Variants in MINDY4B observed in about 807,000 individuals in gnomAD.
MINDY4B encodes the protein inactive ubiquitin carboxyl-terminal hydrolase MINDY-4B.
Under a neutral mutation model 16.7 loss-of-function variants are expected in MINDY4B, and 25 were observed. The ratio of observed to expected loss-of-function variants is 1.49; its 90% CI spans 1.09 to 2.09. The LOEUF is 2.09. Among genes scored for constraint, MINDY4B ranks in the 30% most tolerant of loss-of-function variants. The probability of loss-of-function intolerance (pLI) is 0.00; values close to 1 mark genes in which losing one functional copy is unlikely to be tolerated. For missense variants in MINDY4B, 327 were observed against 168.4 expected (o/e 1.94, Z -5.21); for synonymous variants, 132 against 61.9 (o/e 2.13, Z -5.32).
chr3:150,894,187 T>C lies in MINDY4B; in HGVS notation c.428A>G (p.Lys143Arg). 1 of 690,582 alleles carries C rather than the reference T, an allele frequency of 1.4e-6. No homozygotes were observed. Among genetic ancestry groups the C allele is most frequent in the South Asian group, 1.5e-5 (1 of 64,876 alleles). 42.8% of individuals were successfully genotyped at this position (690,582 alleles called of 1,614,324 possible). A position where few individuals can be genotyped will look rare whatever the true frequency, so the allele number is the denominator to read the frequency against. The part of the protein sequence containing the change: ...SELAFTLEVG[K>R]GGARSIQMAV... ...TAAAAATTATAAACTGGCTATTACC[T>C]TTCCCACTTCCAGAGTGAAAGCTAG... The change falls in exon 4 of 12, where the codon AAG becomes AGG. Residue 143 changes from lysine to arginine, a missense_variant and splice_region_variant. By Grantham distance (26) the Lys-to-Arg change is conservative. Transcript: ENST00000465419.
Position 150,871,069 on chromosome 3 carries a change from C to T in MINDY4B, c.1359G>A (p.Trp453Ter). The T allele has an allele frequency of 1.4e-6, 1 of 702,930 alleles. No homozygotes were observed. Among genetic ancestry groups the T allele is most frequent in the Non-Finnish European group, 2.6e-6 (1 of 384,866 alleles). The allele number at this position is 702,930 out of a possible 1,614,324, so 43.5% of individuals were successfully genotyped here. The change falls in exon 12 of 12, where the codon TGG becomes TGA. Residue 453 changes from tryptophan (W) to a stop codon, truncating the protein, a stop_gained. Transcript: ENST00000465419. LOFTEE classifies it high-confidence loss of function. Reference sequence around the variant, plus strand: ...TTTAGAAGAAGGGAACGGTCCCATTCCAGTTGATGGTGGCCTCGCTCCACT... The same window carrying T: ...TTTAGAAGAAGGGAACGGTCCCATTTCAGTTGATGGTGGCCTCGCTCCACT... ...RTKWSEATIN[W>*]NGTVPFF
chr3:150,898,366 A>G (rs1296871649), intron 3 of MINDY4B, among the ~76,000 whole-genome samples: 1 of 151,766 alleles, frequency 6.6e-6, no homozygotes, highest in African/African-American at 2.4e-5. Flanking sequence ...GCCAAACCAC[A>G]CTCTTATTTC....
chr3:150,890,394 C>T lies in MINDY4B; in HGVS notation c.688-9G>A. On this transcript the variant is annotated splice_polypyrimidine_tract_variant and intron_variant, in intron 6 of 11. Transcript: ENST00000465419. ...AATTCAAACAGCTGGAGCTATAAAT[C>T]AGGAACAGAAGATAAAAATGAAAAG... 1.6e-6 allele frequency: 1 copy of T among 621,062 alleles called. No homozygotes were observed. The highest frequency in any genetic ancestry group is 2.8e-6 in the Non-Finnish European group (1 of 353,568). The allele number at this position is 621,062 out of a possible 1,614,324, so 38.5% of individuals were successfully genotyped here. A position where few individuals can be genotyped will look rare whatever the true frequency, so the allele number is the denominator to read the frequency against.
Position 150,880,305 on chromosome 3 carries a change from C to CTCTGTGTGTGTGTGTG in MINDY4B, c.1059+2591_1059+2592insCACACACACACACAGA, listed in dbSNP as rs1553767630. On this transcript the variant is annotated intron_variant, in intron 10 of 11. Transcript: ENST00000465419. ...CCTCACCTTTATGCCAGGTTCCCAT[C>CTCTGTGTGTGTGTGTG]TGTGTGTGTGTGTGTGTGTGTGTGT... Among the ~76,000 whole-genome samples, 5 of 149,778 alleles carry CTCTGTGTGTGTGTGTG rather than the reference C, an allele frequency of 3.3e-5. 1 individual carries two copies. Among genetic ancestry groups the CTCTGTGTGTGTGTGTG allele is most frequent in the African/African-American group, 1.2e-4 (5 of 40,704 alleles).
At chr3:150,875,958 T>G (rs2107895359) in intron 10 of MINDY4B, among the ~76,000 whole-genome samples, 1 of 152,358 alleles carries the variant, frequency 6.6e-6, no homozygotes, top group African/African-American at 2.4e-5. Flanking sequence ...TGGCATTTTT[T>G]GTTTTAAGCA....
intron 10 of MINDY4B, among the ~76,000 whole-genome samples, chr3:150,881,614 T>TTAA (rs1711522721): frequency 8.2e-6 from 1 of 121,432 alleles, no homozygotes; most frequent in African/African-American, 3.1e-5. Context: ...TGTCTCTGTT[T>TTAA]AAAAAAAAAA....
At chr3:150,873,063 A>G in intron 11 of MINDY4B, 124 bp downstream of exon 11, 1 of 574,150 alleles carries the variant, frequency 1.7e-6, no homozygotes, top group Non-Finnish European at 3.1e-6. Flanking sequence ...GTTTCATTTC[A>G]GAAACTGAGC....
rs555383387 is a variant in MINDY4B, at chr3:150,894,990, ACTT to A, written c.310-688_310-686del. 5.8e-4 allele frequency among the ~76,000 whole-genome samples: 88 copies of A among 152,358 alleles called. 1 individual carries two copies. Among genetic ancestry groups the A allele is most frequent in the Admixed American group, 5.0e-3 (76 of 15,306 alleles). On this transcript the variant is annotated intron_variant, in intron 3 of 11. Transcript: ENST00000465419. ...TGAGAAAACAGAGGGAGGAGAGAGA[ACTT>A]CTGACTGAAGTACTCAGGAAGGCTT...
rs1181771712 is a variant in MINDY4B, at chr3:150,885,391, C to A, written c.801G>T (p.Leu267=). 5.7e-6 allele frequency: 4 copies of A among 702,632 alleles called. No individual in the cohort carries two copies. The highest frequency in any genetic ancestry group is 1.0e-5 in the Non-Finnish European group (4 of 384,834). The allele number at this position is 702,632 out of a possible 1,614,324, so 43.5% of individuals were successfully genotyped here. The part of the protein sequence containing the change: ...SHGVILFLYS[L]IFSRTFERLQ... Reference sequence around the variant, plus strand: ...ACCTTTCAAATGTTCTAGAGAAGATCAGGCTGTACAGAAACAGGATGACAC... The same window carrying A: ...ACCTTTCAAATGTTCTAGAGAAGATAAGGCTGTACAGAAACAGGATGACAC... The change falls in exon 8 of 12, where the codon CTG becomes CTT. Residue 267 remains leucine (L), a synonymous_variant. Transcript: ENST00000465419.
intron 10 of MINDY4B, among the ~76,000 whole-genome samples, chr3:150,880,551 T>A (rs1711514164): frequency 6.6e-6 from 1 of 152,272 alleles, no homozygotes; most frequent in Non-Finnish European, 1.5e-5. Flanking sequence ...TTAAGTGAGT[T>A]GTTTGAAAGA....
intron 7 of MINDY4B, among the ~76,000 whole-genome samples, chr3:150,888,354 T>A (rs1291150475): frequency 6.6e-6 from 1 of 152,104 alleles, no homozygotes; most frequent in Non-Finnish European, 1.5e-5. Context: ...TGATTACATC[T>A]AAAAGACTTT....
chr3:150,882,659 C>CT (rs1429232334), intron 10 of MINDY4B, among the ~76,000 whole-genome samples: 1 of 151,430 alleles, frequency 6.6e-6, no homozygotes, highest in Admixed American at 6.6e-5. Context: ...GTATGTATTA[C>CT]TTTTATTACC....
chr3:150,878,411 T>C (rs1559964444), intron 10 of MINDY4B, among the ~76,000 whole-genome samples: 1 of 152,206 alleles, frequency 6.6e-6, no homozygotes, highest in Admixed American at 6.5e-5. Flanking sequence ...CCAGCCTGTA[T>C]TTGCTCTTTA....
chr3:150,891,881 G>A (rs1056405692), intron 5 of MINDY4B, among the ~76,000 whole-genome samples: 9 of 152,086 alleles, frequency 5.9e-5, no homozygotes, highest in Non-Finnish European at 1.2e-4. Context: ...CCTTGTGACT[G>A]GGGGGCTCAG....
intron 3 of MINDY4B, among the ~76,000 whole-genome samples, chr3:150,897,538 G>A (rs1048421381): frequency 3.3e-5 from 5 of 152,174 alleles, no homozygotes; most frequent in Admixed American, 2.0e-4. Context: ...TCCCAGCTGT[G>A]CATGGAGCAG....
At position 150,870,861 on chromosome 3, in the gene MINDY4B, A is replaced by G. The variant is rs905524343; in HGVS notation, c.*184T>C. ...GTGTGGGGGCCTGTGTTTCTCCTAC[A>G]ATGCTGACAGCTAGGGATTTACCAG... On this transcript the variant is annotated 3_prime_UTR_variant, in exon 12 of 12. Coordinates refer to ENST00000465419, the MANE Select transcript of MINDY4B (RefSeq NM_001351281.2). Among the ~76,000 whole-genome samples the G allele has an allele frequency of 6.6e-6, 1 of 152,202 alleles. No homozygotes were observed. The highest frequency in any genetic ancestry group is 1.5e-5 in the Non-Finnish European group (1 of 68,030).
chr3:150,881,625 A>AAAG (rs1711523149), intron 10 of MINDY4B, among the ~76,000 whole-genome samples: 1 of 145,692 alleles, frequency 6.9e-6, no homozygotes, highest in Admixed American at 6.7e-5. Context: ...AAAAAAAAAA[A>AAAG]AAAAAAAAGA....
At chr3:150,890,642 C>T in intron 6 of MINDY4B, 1 of 485,980 alleles carries the variant, frequency 2.1e-6, no homozygotes, top group African/African-American at 1.9e-5. Context: ...GAGATTTTTT[C>T]CTAATAGGTG....
intron 7 of MINDY4B, among the ~76,000 whole-genome samples, chr3:150,886,545 C>A (rs569677320): frequency 3.9e-5 from 6 of 152,214 alleles, no homozygotes; most frequent in Admixed American, 3.9e-4. Context: ...TAAAACAACA[C>A]GAATTTATTA....
Sources: allele counts gnomAD v4.1 joint callset (sites outside exome capture counted in the v4.1 genomes callset), GRCh38; gene constraint gnomAD v4.1.1; transcripts MANE v1.5; gene names NCBI Gene and HGNC (gene_info 2026-07-23, HGNC 2026-07-21).